Variants in ATP11B observed in about 807,000 individuals in gnomAD.
The protein encoded by ATP11B is phospholipid-transporting ATPase IF.
In ATP11B, 81 loss-of-function variants were observed where a neutral mutation model predicts 157.8. The observed-to-expected ratio is 0.51, with a 90% confidence interval of 0.43 to 0.62. The LOEUF (loss-of-function observed/expected upper bound fraction) is 0.62, where lower values mean the gene tolerates loss of function less well. ATP11B is among the 20% of genes least tolerant of loss of function. The probability of loss-of-function intolerance (pLI) is 0.00; values close to 1 mark genes in which losing one functional copy is unlikely to be tolerated. For missense variants in ATP11B, 1,165 were observed against 1,402.2 expected (o/e 0.83, Z 2.70); for synonymous variants, 451 against 469.4 (o/e 0.96, Z 0.51).
chr3:182,876,056 A>G (rs1426977545), intron 19 of ATP11B, among the ~76,000 whole-genome samples: 1 of 152,002 alleles, frequency 6.6e-6, no homozygotes, highest in African/African-American at 2.4e-5. Flanking sequence ...CAGCCTGGTC[A>G]ATGTAATGAG....
Position 182,913,936 on chromosome 3 carries a change from T to C in ATP11B, c.3394T>C (p.Ser1132Pro). 6.2e-7 allele frequency: 1 copy of C among 1,614,112 alleles called. No homozygotes were observed. ...CFPEGEAACA[S>P]VGRMLERVIG... ...CCCGGAAGGAGAAGCAGCGTGTGCATCTGTTGGAAGAATGCTGGAACGAGT... is the reference window on the plus strand; with the variant it reads ...CCCGGAAGGAGAAGCAGCGTGTGCACCTGTTGGAAGAATGCTGGAACGAGT... The change falls in exon 29 of 30, where the codon TCT (serine) becomes CCT (proline). Residue 1132 changes from serine to proline, a missense_variant. Physicochemically the swap from Ser to Pro is moderately conservative, Grantham distance 74. This residue lies in a region of ATP11B where 303 missense variants were observed against 296.3 expected (regional missense o/e 1.02). Transcript: ENST00000323116.
At chr3:182,817,898 T>C (rs973443420) in intron 1 of ATP11B, among the ~76,000 whole-genome samples, 4 of 152,174 alleles carry the variant, frequency 2.6e-5, no homozygotes, top group Non-Finnish European at 4.4e-5. Context: ...TCAGTTGTCT[T>C]GACATCTTAA....
chr3:182,817,572 C>T (rs1465395751), intron 1 of ATP11B, among the ~76,000 whole-genome samples: 1 of 152,178 alleles, frequency 6.6e-6, no homozygotes, highest in Non-Finnish European at 1.5e-5. Flanking sequence ...AGCCACCGCC[C>T]CCAGCCAGGG....
In ATP11B at chr3:182,920,116, A is replaced by T. The variant is rs961325669; in HGVS notation, c.*2012A>T. ...TTGCCATCAAATAAACTGAGTACTG[A>T]CACCAGACAAAGACTCCAAAGTCAT... is the stretch of plus-strand genomic sequence containing the variant. On this transcript the variant is annotated 3_prime_UTR_variant, in exon 30 of 30. Transcript: ENST00000323116. 2 of 152,220 alleles carry T rather than the reference A, an allele frequency of 1.3e-5. No individual in the cohort carries two copies. The highest frequency in any genetic ancestry group is 2.9e-5 in the Non-Finnish European group (2 of 68,032). 9.4% of individuals were successfully genotyped at this position (152,220 alleles called of 1,614,324 possible).
intron 1 of ATP11B, among the ~76,000 whole-genome samples, chr3:182,796,084 G>T (rs1450899481): frequency 6.6e-6 from 1 of 152,124 alleles, no homozygotes; most frequent in Non-Finnish European, 1.5e-5. Flanking sequence ...TTAAAAAAAA[G>T]TGTGACTCCT....
chr3:182,797,152 T>G (rs1321440855), intron 1 of ATP11B, among the ~76,000 whole-genome samples: 2 of 152,228 alleles, frequency 1.3e-5, no homozygotes, highest in African/African-American at 4.8e-5. Flanking sequence ...TTTTGATCCT[T>G]TTCTTTCATT....
intron 29 of ATP11B, chr3:182,917,359 C>T (rs1481019143): frequency 4.1e-6 from 4 of 985,190 alleles, no homozygotes; most frequent in Non-Finnish European, 4.8e-6. Context: ...CTTAAATTAA[C>T]TCAAGCTAAT....
Position 182,820,256 on chromosome 3 carries a change from T to A in ATP11B, c.28-4T>A, listed in dbSNP as rs150709291. 245 of 1,600,968 alleles carry A rather than the reference T, an allele frequency of 1.5e-4. No individual in the cohort carries two copies. In the African/African-American group the frequency reaches 2.9e-3, roughly 19 times the overall value. ...TTCTTTTTCTCTTGCTTGATTGGTCTTAGGGTTTTGACCCACCACATCAGA... is the reference window on the plus strand; with the variant it reads ...TTCTTTTTCTCTTGCTTGATTGGTCATAGGGTTTTGACCCACCACATCAGA... On this transcript the variant is annotated splice_polypyrimidine_tract_variant and splice_region_variant and intron_variant, in intron 1 of 29. Coordinates refer to ENST00000323116, the MANE Select transcript of ATP11B (RefSeq NM_014616.3).
intron 28 of ATP11B, chr3:182,902,420 T>G: frequency 1.0e-6 from 1 of 1,000,646 alleles, no homozygotes; most frequent in South Asian, 1.4e-5. Context: ...GTCTGTCTCT[T>G]AGGTGATGAA....
At chr3:182,916,970 T>C in intron 29 of ATP11B, 2 of 983,566 alleles carry the variant, frequency 2.0e-6, no homozygotes, top group Non-Finnish European at 2.4e-6. Flanking sequence ...GGGTGCCCAA[T>C]ATATGTCAGA....
At chr3:182,832,545 A>C (rs1269226430) in intron 4 of ATP11B, among the ~76,000 whole-genome samples, 1 of 152,204 alleles carries the variant, frequency 6.6e-6, no homozygotes. Context: ...GAAAGTTGCC[A>C]TGTTCCAACC....
At chr3:182,904,888 TAAAAAAA>T (rs1004716420) in intron 28 of ATP11B, among the ~76,000 whole-genome samples, 3 of 101,888 alleles carry the variant, frequency 2.9e-5, no homozygotes, top group Non-Finnish European at 5.9e-5. Flanking sequence ...GACTTCTTCT[TAAAAAAA>T]AAAAAAAAAA....
chr3:182,877,411 G>A (rs1039843778), intron 19 of ATP11B, among the ~76,000 whole-genome samples: 1 of 152,200 alleles, frequency 6.6e-6, no homozygotes, highest in Non-Finnish European at 1.5e-5. Context: ...GGAGGCCAAG[G>A]AAGGCAGATC....
At chr3:182,906,043 G>A (rs1206798797) in intron 28 of ATP11B, 5 of 319,178 alleles carry the variant, frequency 1.6e-5, no homozygotes, top group Non-Finnish European at 3.2e-5. Flanking sequence ...TTCCTCATAT[G>A]TTGTTTTAGT....
intron 10 of ATP11B, among the ~76,000 whole-genome samples, chr3:182,854,944 A>G (rs907417740): frequency 3.9e-5 from 6 of 152,196 alleles, no homozygotes; most frequent in African/African-American, 1.2e-4. Context: ...ATGGAACAAT[A>G]TATCATGTTC....
chr3:182,813,879 T>C (rs1364121279), intron 1 of ATP11B, among the ~76,000 whole-genome samples: 1 of 151,912 alleles, frequency 6.6e-6, no homozygotes, highest in Non-Finnish European at 1.5e-5. Flanking sequence ...AGACACATGC[T>C]ACCCCATCCG....
At chr3:182,825,816 C>T (rs1207065198) in intron 2 of ATP11B, among the ~76,000 whole-genome samples, 1 of 151,942 alleles carries the variant, frequency 6.6e-6, no homozygotes, top group Non-Finnish European at 1.5e-5. Flanking sequence ...ATGAGAATCG[C>T]TTGAACTCAG....
intron 19 of ATP11B, among the ~76,000 whole-genome samples, chr3:182,875,036 A>C (rs953284767): frequency 1.3e-5 from 2 of 152,192 alleles, no homozygotes; most frequent in Admixed American, 1.3e-4. Context: ...AGATTATTTC[A>C]TAAGAATTTA....
At chr3:182,816,173 A>C (rs895392661) in intron 1 of ATP11B, among the ~76,000 whole-genome samples, 3 of 152,200 alleles carry the variant, frequency 2.0e-5, no homozygotes, top group Admixed American at 2.0e-4. Flanking sequence ...TTTGAATTTC[A>C]TAATTTTTAA....
Sources: gnomAD v4.1 joint callset for allele counts (sites outside exome capture counted in the v4.1 genomes callset) on GRCh38, gnomAD v4.1.1 for gene constraint, gnomAD v4.1.1 regional missense constraint, MANE v1.5 for transcripts, NCBI Gene and HGNC (gene_info 2026-07-23, HGNC 2026-07-21) for gene names.